Variants in PRKDC observed in about 807,000 individuals in gnomAD.
PRKDC encodes protein kinase, DNA-activated, catalytic subunit.
Under a neutral mutation model 486.9 loss-of-function variants are expected in PRKDC, and 82 were observed. The ratio of observed to expected loss-of-function variants is 0.17; its 90% confidence interval spans 0.14 to 0.20. PRKDC has a LOEUF of 0.20. PRKDC is among the 10% of genes least tolerant of loss of function. PRKDC has a pLI of 1.00. For synonymous variants in PRKDC, 1,895 were observed against 1,837.0 expected (o/e 1.03, Z -0.81); for missense variants, 4,504 against 5,038.2 (o/e 0.89, Z 3.21).
chr8:47,927,140 T>C (rs2090168889), intron 21 of PRKDC, 54 bp downstream of exon 21: 4 of 1,541,702 alleles, frequency 2.6e-6, no homozygotes, highest in Non-Finnish European at 3.6e-6. Context: ...CCTATTATAG[T>C]TACTCCATTT....
At chr8:47,927,997 T>C in intron 19 of PRKDC, 107 bp from the exon 20 acceptor site, 5 of 1,051,996 alleles carry the variant, frequency 4.8e-6, no homozygotes, top group Non-Finnish European at 6.2e-6. Context: ...GCACGTAGCC[T>C]TTATTGACAT....
intron 54 of PRKDC, 27 bp from the exon 55 acceptor site, chr8:47,840,216 A>C (rs1485878233): frequency 6.5e-7 from 1 of 1,538,732 alleles, no homozygotes; most frequent in Admixed American, 2.1e-5. Context: ...AAAAACACAC[A>C]AATTTAGCTA....
In PRKDC at chr8:47,830,623, C is replaced by G. The variant is rs1296344234; in HGVS notation, c.8379G>C (p.Pro2793=). ...AACTGACCTGGGCCACGGCCTGTAA[C>G]GGGGTGATGAGGCTGCTGTGCTTGA... ...IQIKHSSLIT[P]LQAVAQRDPI... The change falls in exon 61 of 86, where the codon CCG becomes CCC. Residue 2793 remains proline, a synonymous_variant. Coordinates refer to ENST00000314191, the MANE Select transcript of PRKDC (RefSeq NM_006904.7). 1.2e-6 allele frequency: 2 copies of G among 1,613,854 alleles called. No homozygotes were observed. Among genetic ancestry groups the G allele is most frequent in the Non-Finnish European group, 1.7e-6 (2 of 1,179,818 alleles).
intron 22 of PRKDC, among the ~76,000 whole-genome samples, chr8:47,917,409 TGA>T (rs2090003861): frequency 6.6e-6 from 1 of 152,198 alleles, no homozygotes; most frequent in Admixed American, 6.5e-5. Flanking sequence ...CCCAAAATAA[TGA>T]GGTGAGAAGA....
In PRKDC at chr8:47,886,110, A is replaced by G. The variant is rs2089323845; in HGVS notation, c.4610T>C (p.Val1537Ala). ...RLVSLLLNPA[V>A]LSTASLGSSQ... ...GCTGCCCAAGGACGCCGTGGACAGC[A>G]CCGCTGGGTTCAGGAGAAGACTCAC... The change falls in exon 36 of 86, where the codon GTG (valine) becomes GCG (alanine). Residue 1537 changes from valine (V) to alanine (A), a missense_variant. Around this residue, in one of 6 missense-constraint regions of PRKDC, gnomAD observed 1,969 missense variants for 2,068.9 expected, o/e 0.95. Transcript: ENST00000314191. 6.2e-7 allele frequency: 1 copy of G among 1,612,934 alleles called. No homozygotes were observed. Among genetic ancestry groups the G allele is most frequent in the African/African-American group, 1.3e-5 (1 of 74,894 alleles).
intron 76 of PRKDC, among the ~76,000 whole-genome samples, chr8:47,788,121 C>T (rs1340219203): frequency 1.3e-5 from 2 of 152,176 alleles, no homozygotes; most frequent in African/African-American, 2.4e-5. Context: ...AAAGAAAAGT[C>T]AGTATGACCC....
rs560845048 is a variant in PRKDC, at chr8:47,902,717, T to C, written c.3121A>G (p.Ile1041Val). The C allele has an allele frequency of 1.9e-5, 31 of 1,614,002 alleles. No individual in the cohort carries two copies. In the South Asian group the frequency reaches 3.1e-4, roughly 16 times the overall value. Residue 1041 changes from isoleucine (I) to valine (V), a missense_variant, in exon 27 of 86, where the codon ATT becomes GTT. This residue lies in a region of PRKDC where 1,969 missense variants were observed against 2,068.9 expected (regional missense o/e 0.95). Transcript: ENST00000314191. ...TGCTGCTGTGGTGTTATTTGCTTAA[T>C]GGACCATTTAAGGAATTCTCGAATA... ...RCIREFLKWS[I>V]KQITPQQQEK...
chr8:47,914,160 C>G (rs2089951977), intron 23 of PRKDC, 96 bp from the exon 24 acceptor site: 1 of 1,102,740 alleles, frequency 9.1e-7, no homozygotes, highest in Non-Finnish European at 1.2e-6. Context: ...GCCAGCTGTT[C>G]TACATTCTAT....
At chr8:47,831,533 C>A (rs1258581759) in intron 60 of PRKDC, among the ~76,000 whole-genome samples, 1 of 151,808 alleles carries the variant, frequency 6.6e-6, no homozygotes, top group African/African-American at 2.4e-5. Context: ...GAAGTCCTGC[C>A]AGGGCGCGGG....
In PRKDC at chr8:47,864,832, A is replaced by AT. The variant is rs8178121; in HGVS notation, c.5364-70dup. The AT allele has an allele frequency of 4.5e-3, 5,895 of 1,306,546 alleles. 17 individuals are homozygous for AT. Among genetic ancestry groups the AT allele is most frequent in the Non-Finnish European group, 5.6e-3 (5,430 of 972,314 alleles). 80.9% of individuals were successfully genotyped at this position (1,306,546 alleles called of 1,614,324 possible). A position where few individuals can be genotyped will look rare whatever the true frequency, so the allele number is the denominator to read the frequency against. ...GAGGAACTTTATGAGTGCCTACTAC[A>AT]TAACAGGCAAAGTAAACACCAGTGA... On this transcript the variant is annotated intron_variant, in intron 40 of 85. Coordinates refer to ENST00000314191, the MANE Select transcript of PRKDC (RefSeq NM_006904.7).
chr8:47,831,690 C>G, intron 60 of PRKDC, 124 bp downstream of exon 60: 1 of 1,019,098 alleles, frequency 9.8e-7, no homozygotes, highest in Non-Finnish European at 1.5e-6. Context: ...TGGTTTGGAG[C>G]AGTCCCGCAA....
At chr8:47,834,524 G>T in intron 58 of PRKDC, 128 bp from the exon 59 acceptor site, 1 of 914,110 alleles carries the variant, frequency 1.1e-6, no homozygotes, top group Non-Finnish European at 1.6e-6. Context: ...CCTGGGCAGA[G>T]GCTCTGTCAG....
intron 12 of PRKDC, 67 bp from the exon 13 acceptor site, chr8:47,935,967 T>TTG: frequency 7.1e-7 from 1 of 1,402,616 alleles, no homozygotes; most frequent in Non-Finnish European, 9.7e-7. Context: ...ATAATACAAA[T>TTG]ATTCAAAGTA....
At position 47,910,834 on chromosome 8, in the gene PRKDC, A is replaced by T. The variant is rs1292674131; in HGVS notation, c.2934+1576T>A. Among the ~76,000 whole-genome samples, 7 of 149,314 alleles carry T rather than the reference A, an allele frequency of 4.7e-5. No homozygotes were observed. The East Asian group carries it at 1.2e-3, about 25-fold the overall frequency. On this transcript the variant is annotated intron_variant, in intron 25 of 85. Transcript: ENST00000314191. The stretch of plus-strand genomic sequence containing the variant: ...GGCACATTGAAGTTTATTCCTAGAC[A>T]TTTTTTTTTTGATGCTGTTATGAAT...
At chr8:47,952,207 A>G (rs2090635988) in intron 7 of PRKDC, among the ~76,000 whole-genome samples, 1 of 152,250 alleles carries the variant, frequency 6.6e-6, no homozygotes, top group African/African-American at 2.4e-5. Flanking sequence ...CAGTAAGTAG[A>G]GGCAAACCAA....
At chr8:47,860,874 T>C (rs753048076) in intron 45 of PRKDC, 25 bp downstream of exon 45, 1 of 1,565,462 alleles carries the variant, frequency 6.4e-7, no homozygotes, top group Non-Finnish European at 8.7e-7. Context: ...TTGAATCCTT[T>C]CTCATGATTT....
intron 25 of PRKDC, among the ~76,000 whole-genome samples, chr8:47,911,175 T>A (rs904688201): frequency 3.2e-4 from 48 of 152,214 alleles, no homozygotes; most frequent in African/African-American, 1.1e-3. Context: ...GTCTTTTGAT[T>A]GCCAAGTGCC....
intron 67 of PRKDC, among the ~76,000 whole-genome samples, chr8:47,818,230 T>A (rs553755935): frequency 6.6e-6 from 1 of 152,264 alleles, no homozygotes; most frequent in South Asian, 2.1e-4. Context: ...ATTCAATCTC[T>A]ATAAGCCTCT....
At chr8:47,914,809 A>AT (rs2089961749) in intron 23 of PRKDC, among the ~76,000 whole-genome samples, 1 of 151,112 alleles carries the variant, frequency 6.6e-6, no homozygotes, top group Non-Finnish European at 1.5e-5. Context: ...AAAAAAAAAA[A>AT]GCTGATTCTT....
Sources: gnomAD v4.1 joint callset for allele counts (sites outside exome capture counted in the v4.1 genomes callset) on GRCh38, gnomAD v4.1.1 for gene constraint, gnomAD v4.1.1 regional missense constraint, MANE v1.5 for transcripts, NCBI Gene and HGNC (gene_info 2026-07-23, HGNC 2026-07-21) for gene names.